CTNND2: variants seen among roughly 807,000 people sequenced by gnomAD.
CTNND2 encodes catenin delta-2.
Under a neutral mutation model 144.4 loss-of-function variants are expected in CTNND2, and 22 were observed. The ratio of observed to expected loss-of-function variants is 0.15; its 90% confidence interval spans 0.11 to 0.22. The LOEUF (loss-of-function observed/expected upper bound fraction) is 0.22. Ranked by LOEUF, CTNND2 falls within the 10% of genes least tolerant of loss-of-function variation. The pLI is 1.00. For missense variants in CTNND2, 1,353 were observed against 1,618.8 expected, an observed-to-expected ratio of 0.84 and a Z score of 2.82; for synonymous variants, 751 against 695.6, an observed-to-expected ratio of 1.08 and a Z score of -1.25.
At chr5:11,150,456 A>G (rs1757644565) in intron 12 of CTNND2, among the ~76,000 whole-genome samples, 1 of 152,060 alleles carries the variant, frequency 6.6e-6, no homozygotes. Flanking sequence ...ACTAAATTTG[A>G]TTTCAAATAT....
intron 2 of CTNND2, among the ~76,000 whole-genome samples, chr5:11,718,013 A>C (rs1786452891): frequency 6.6e-6 from 1 of 152,248 alleles, no homozygotes; most frequent in Non-Finnish European, 1.5e-5. Context: ...AATGGCAATA[A>C]AACATCAGGA....
intron 1 of CTNND2, among the ~76,000 whole-genome samples, chr5:11,822,622 CATATTG>C (rs1159355915): frequency 6.6e-6 from 1 of 151,954 alleles, no homozygotes; most frequent in Admixed American, 6.6e-5. Context: ...TTGTGACTTC[CATATTG>C]ATAGTAGTCC....
chr5:11,575,287 C>T (rs183218055), intron 2 of CTNND2, among the ~76,000 whole-genome samples: 15 of 152,248 alleles, frequency 9.9e-5, no homozygotes, highest in Non-Finnish European at 1.9e-4. Context: ...GGATGGATGC[C>T]TTACTTGACC....
chr5:11,602,156 T>C lies in CTNND2; in HGVS notation c.175-37100A>G, dbSNP rs116045835. On this transcript the variant is annotated intron_variant, in intron 2 of 21. Coordinates refer to ENST00000304623, the MANE Select transcript of CTNND2 (RefSeq NM_001332.4). ...ATAATTTCCTTAAAAATATATTTTA[T>C]TATTATAAAATACTCCATCATAATT... is the stretch of plus-strand genomic sequence containing the variant. Among the ~76,000 whole-genome samples, 1,220 of 152,176 alleles carry C rather than the reference T, an allele frequency of 8.0e-3. 16 individuals carry two copies. Among genetic ancestry groups the C allele is most frequent in the African/African-American group, 0.028 (1,157 of 41,550 alleles).
intron 1 of CTNND2, among the ~76,000 whole-genome samples, chr5:11,816,323 C>T (rs1792653046): frequency 6.6e-6 from 1 of 151,992 alleles, no homozygotes; most frequent in African/African-American, 2.4e-5. Context: ...AGATCCTGTC[C>T]CCAAGGGCTA....
chr5:11,689,121 G>A (rs1360535045), intron 2 of CTNND2, among the ~76,000 whole-genome samples: 1 of 152,098 alleles, frequency 6.6e-6, no homozygotes, highest in Non-Finnish European at 1.5e-5. Context: ...CTCTGATATG[G>A]AGCATAGGGC....
intron 1 of CTNND2, among the ~76,000 whole-genome samples, chr5:11,765,424 C>T (rs183413998): frequency 1.3e-5 from 2 of 151,974 alleles, no homozygotes; most frequent in African/African-American, 2.4e-5. Flanking sequence ...AGAAGGGGAG[C>T]AAAGACCAGA....
chr5:11,687,851 T>C (rs185905313), intron 2 of CTNND2, among the ~76,000 whole-genome samples: 12 of 152,164 alleles, frequency 7.9e-5, no homozygotes, highest in African/African-American at 1.7e-4. Context: ...GAAAAAACAT[T>C]AATGGGAAAG....
intron 3 of CTNND2, among the ~76,000 whole-genome samples, chr5:11,422,903 A>T (rs772985045): frequency 6.6e-6 from 1 of 152,250 alleles, no homozygotes; most frequent in Non-Finnish European, 1.5e-5. Context: ...ATTATAAAGT[A>T]GAAAATTCTC....
chr5:11,516,500 G>T (rs1314745188), intron 3 of CTNND2, among the ~76,000 whole-genome samples: 1 of 151,822 alleles, frequency 6.6e-6, no homozygotes, highest in African/African-American at 2.4e-5. Flanking sequence ...AAAATTGCAA[G>T]GTACAAGATC....
intron 8 of CTNND2, among the ~76,000 whole-genome samples, chr5:11,358,897 T>C (rs1756170671): frequency 6.6e-6 from 1 of 152,232 alleles, no homozygotes; most frequent in African/African-American, 2.4e-5. Flanking sequence ...AGCTGACACA[T>C]ACATCACAGA....
chr5:11,747,417 A>C (rs1211759792), intron 1 of CTNND2, among the ~76,000 whole-genome samples: 3 of 152,172 alleles, frequency 2.0e-5, no homozygotes, highest in African/African-American at 4.8e-5. Flanking sequence ...AACTTCAAAG[A>C]AGCATGCTTA....
At chr5:11,153,120 T>C (rs1044161146) in intron 12 of CTNND2, among the ~76,000 whole-genome samples, 1 of 151,958 alleles carries the variant, frequency 6.6e-6, no homozygotes, top group African/African-American at 2.4e-5. Flanking sequence ...AAAAATTAGC[T>C]GGGTGTGGTG....
At chr5:11,463,204 T>C (rs986682367) in intron 3 of CTNND2, among the ~76,000 whole-genome samples, 7 of 152,244 alleles carry the variant, frequency 4.6e-5, no homozygotes, top group Non-Finnish European at 2.9e-5. Flanking sequence ...CTATTCCTCA[T>C]ATTCATTATG....
Position 11,117,473 on chromosome 5 carries a change from C to T in CTNND2, c.2254G>A (p.Gly752Arg). 1 of 1,614,064 alleles carries T rather than the reference C, an allele frequency of 6.2e-7. No homozygotes were observed. The highest frequency in any genetic ancestry group is 1.1e-5 in the South Asian group (1 of 91,076). ...ACCTTGCTATCGATCTCACTGCTCC[C>T]CAGCGCAGACTGGATCACGTACAGC... ...ALLYVIQSAL[G>R]SSEIDSKTVE... The change falls in exon 13 of 22, where the codon GGG becomes AGG. Residue 752 changes from glycine (G) to arginine (R), a missense_variant. Gly to Arg is a moderately radical substitution (Grantham distance 125, BLOSUM62 -2). Transcript: ENST00000304623.
intron 1 of CTNND2, among the ~76,000 whole-genome samples, chr5:11,774,474 G>A (rs1000739329): frequency 4.9e-5 from 7 of 144,284 alleles, no homozygotes; most frequent in Admixed American, 1.4e-4. Context: ...TGGGTGCAGC[G>A]CACCAGCATG....
Position 11,732,407 on chromosome 5 carries a change from T to C in CTNND2, c.38-135A>G, listed in dbSNP as rs1169629593. 7 of 744,974 alleles carry C rather than the reference T, an allele frequency of 9.4e-6. No individual in the cohort carries two copies. In the African/African-American group the frequency reaches 1.1e-4, roughly 11 times the overall value. 46.1% of individuals were successfully genotyped at this position (744,974 alleles called of 1,614,324 possible). On this transcript the variant is annotated intron_variant, in intron 1 of 21. Transcript: ENST00000304623. ...GCTGAGAAAGACCAAGACATAATTA[T>C]AGAACGGGAGTAATACAGTAAAGTA...
intron 7 of CTNND2, among the ~76,000 whole-genome samples, chr5:11,376,205 T>A (rs1317442219): frequency 6.6e-6 from 1 of 152,044 alleles, no homozygotes; most frequent in African/African-American, 2.4e-5. Context: ...TTTATGATAT[T>A]TTTTATAGCA....
rs181561845 is a variant in CTNND2, at chr5:11,366,299, T to A, written c.1178-1409A>T. Among the ~76,000 whole-genome samples, 206 of 152,346 alleles carry A rather than the reference T, an allele frequency of 1.4e-3. 1 individual carries two copies. Among genetic ancestry groups the A allele is most frequent in the Admixed American group, 5.6e-3 (85 of 15,302 alleles). ...TACTGGTATATTTAACGTGGGCTAC[T>A]TTAAATTTAAGTACACAGAGAACAG... On this transcript the variant is annotated intron_variant, in intron 7 of 21. Coordinates refer to ENST00000304623, the MANE Select transcript of CTNND2 (RefSeq NM_001332.4).
Sources: gnomAD v4.1 joint callset for allele counts (sites outside exome capture counted in the v4.1 genomes callset) on GRCh38, gnomAD v4.1.1 for gene constraint, MANE v1.5 for transcripts, NCBI Gene and HGNC (gene_info 2026-07-23, HGNC 2026-07-21) for gene names.